The following CTTNBP2 variants were observed in gnomAD, a reference collection of about 807,000 sequenced individuals.
CTTNBP2 encodes the protein cortactin-binding protein 2.
In CTTNBP2, 108 loss-of-function variants were observed where a neutral mutation model predicts 156.9. That is an observed-to-expected ratio of 0.69 (90% CI 0.59 to 0.81). The LOEUF (loss-of-function observed/expected upper bound fraction) is 0.81. Ranked by LOEUF, CTTNBP2 falls within the 30% of genes least tolerant of loss-of-function variation. CTTNBP2 has a pLI of 0.00. For synonymous variants in CTTNBP2, 767 were observed against 751.8 expected (o/e 1.02, Z -0.33); for missense variants, 1,924 against 2,035.4 (o/e 0.95, Z 1.05).
intron 20 of CTTNBP2, among the ~76,000 whole-genome samples, chr7:117,720,657 C>T (rs1794735606): frequency 6.6e-6 from 1 of 152,094 alleles, no homozygotes; most frequent in Non-Finnish European, 1.5e-5. Flanking sequence ...CATGCCACTG[C>T]ACTCCAGCCT....
chr7:117,868,806 A>T (rs1336551437), intron 1 of CTTNBP2, among the ~76,000 whole-genome samples: 2 of 152,218 alleles, frequency 1.3e-5, no homozygotes, highest in African/African-American at 4.8e-5. Flanking sequence ...TAGCAAAGTA[A>T]ATGAAGTTGG....
chr7:117,744,728 T>TAC (rs34300258), intron 14 of CTTNBP2, among the ~76,000 whole-genome samples: 2,918 of 151,272 alleles, frequency 0.019, 50 homozygotes, highest in Non-Finnish European at 0.029. Flanking sequence ...CTACAAAAAA[T>TAC]ACACACACAC....
At chr7:117,805,274 A>T (rs1254493147) in intron 3 of CTTNBP2, among the ~76,000 whole-genome samples, 1 of 152,208 alleles carries the variant, frequency 6.6e-6, no homozygotes, top group Non-Finnish European at 1.5e-5. Flanking sequence ...ATCACAAAGA[A>T]TCCAAAGTAT....
chr7:117,865,542 G>A (rs1804118474), intron 1 of CTTNBP2, among the ~76,000 whole-genome samples: 1 of 150,922 alleles, frequency 6.6e-6, no homozygotes, highest in South Asian at 2.1e-4. Flanking sequence ...CAGGCATGGT[G>A]GCATGCACCT....
chr7:117,791,616 G>C lies in CTTNBP2; in HGVS notation c.1580C>G (p.Thr527Ser). The stretch of plus-strand genomic sequence containing the variant: ...TGCTACACCATGAGTCTTTAAACTG[G>C]TCCGACCAACTGGAGGGTGGGTGCC... ...DVGTHPPVGR[T>S]SLKTHGVARV... The change falls in exon 4 of 23, where the codon ACC becomes AGC. Residue 527 changes from threonine (T) to serine (S), a missense_variant. By Grantham distance (58) the Thr-to-Ser change is moderately conservative. Transcript: ENST00000160373. 5 of 1,614,112 alleles carry C rather than the reference G, an allele frequency of 3.1e-6. No homozygotes were observed. Among genetic ancestry groups the C allele is most frequent in the Non-Finnish European group, 4.2e-6 (5 of 1,180,032 alleles).
At chr7:117,802,273 A>G (rs1799663634) in intron 3 of CTTNBP2, among the ~76,000 whole-genome samples, 2 of 151,924 alleles carry the variant, frequency 1.3e-5, no homozygotes, top group Non-Finnish European at 2.9e-5. Flanking sequence ...GATTTCTTTT[A>G]AAAGCTTCAA....
At chr7:117,790,385 G>A (rs1798923605) in intron 4 of CTTNBP2, among the ~76,000 whole-genome samples, 1 of 152,124 alleles carries the variant, frequency 6.6e-6, no homozygotes, top group South Asian at 2.1e-4. Context: ...TAACAAAAGG[G>A]AAAAATCCAC....
intron 22 of CTTNBP2, among the ~76,000 whole-genome samples, chr7:117,713,017 A>T (rs1352033618): frequency 6.6e-6 from 1 of 152,188 alleles, no homozygotes; most frequent in African/African-American, 2.4e-5. Context: ...CTCCTGTCAG[A>T]TCAGCAGCAT....
intron 22 of CTTNBP2, among the ~76,000 whole-genome samples, chr7:117,717,114 G>A (rs966647541): frequency 6.6e-6 from 1 of 152,154 alleles, no homozygotes; most frequent in African/African-American, 2.4e-5. Context: ...CATTGTTTCT[G>A]CTCACCCAGG....
chr7:117,792,381 C>G lies in CTTNBP2; in HGVS notation c.815G>C (p.Gly272Ala). The G allele has an allele frequency of 6.2e-7, 1 of 1,614,166 alleles. No individual in the cohort carries two copies. The highest frequency in any genetic ancestry group is 8.5e-7 in the Non-Finnish European group (1 of 1,180,034). Residue 272 changes from glycine to alanine, a missense_variant, in exon 4 of 23, where the codon GGA becomes GCA. Transcript: ENST00000160373. This position sits in a 1 kb window ranked among gnomAD's most constrained non-coding sequence, Gnocchi z 4.2. ...MRKMIEQLKR[G>A]SDSKPSLSLP... ...AGAGAGGCTTGGTTTGCTGTCACTTCCCCTTTTCAGTTGCTCAATCATTTT... is the reference window on the plus strand; with the variant it reads ...AGAGAGGCTTGGTTTGCTGTCACTTGCCCTTTTCAGTTGCTCAATCATTTT...
At chr7:117,756,013 A>T (rs1424000761) in intron 12 of CTTNBP2, among the ~76,000 whole-genome samples, 1 of 152,202 alleles carries the variant, frequency 6.6e-6, no homozygotes, top group Non-Finnish European at 1.5e-5. Context: ...GCAGGGAGAA[A>T]GGGTGCTGAG....
chr7:117,817,359 AAAAT>A (rs1312105267), intron 2 of CTTNBP2, among the ~76,000 whole-genome samples: 2 of 34,190 alleles, frequency 5.8e-5, no homozygotes, highest in African/African-American at 2.1e-4. Context: ...AAAAAAAAAA[AAAAT>A]ATATATATAT....
intron 14 of CTTNBP2, among the ~76,000 whole-genome samples, chr7:117,744,325 C>T (rs1796195609): frequency 1.3e-5 from 2 of 152,282 alleles, no homozygotes; most frequent in South Asian, 4.1e-4. Context: ...TACTCCCCAA[C>T]ACCCAACACT....
intron 16 of CTTNBP2, among the ~76,000 whole-genome samples, chr7:117,731,069 T>A (rs947780455): frequency 2.0e-5 from 3 of 152,192 alleles, no homozygotes; most frequent in African/African-American, 7.2e-5. Context: ...ACAAGGCTAT[T>A]AAGAGATCAT....
At chr7:117,777,909 T>G in intron 7 of CTTNBP2, 144 bp from the exon 8 acceptor site, 1 of 740,576 alleles carries the variant, frequency 1.4e-6, no homozygotes, top group South Asian at 1.8e-5. Context: ...ACATTATCAC[T>G]GATGAGCTGG....
chr7:117,799,621 A>G (rs1353889703), intron 3 of CTTNBP2, among the ~76,000 whole-genome samples: 3 of 152,110 alleles, frequency 2.0e-5, no homozygotes, highest in African/African-American at 4.8e-5. Flanking sequence ...CTTCTGTTCA[A>G]CATTGCACTG....
At chr7:117,850,452 G>T (rs1337434254) in intron 2 of CTTNBP2, among the ~76,000 whole-genome samples, 1 of 152,060 alleles carries the variant, frequency 6.6e-6, no homozygotes, top group Non-Finnish European at 1.5e-5. Flanking sequence ...CAGATAAATA[G>T]GAGAGACTAA....
chr7:117,763,732 G>A (rs909821656), intron 9 of CTTNBP2, among the ~76,000 whole-genome samples: 9 of 151,242 alleles, frequency 6.0e-5, no homozygotes, highest in African/African-American at 2.2e-4. Flanking sequence ...ACCATGCCTG[G>A]CAATTTATTT....
chr7:117,781,805 G>GCTTCC (rs1466847361), intron 6 of CTTNBP2, among the ~76,000 whole-genome samples: 1 of 152,182 alleles, frequency 6.6e-6, no homozygotes, highest in Non-Finnish European at 1.5e-5. Flanking sequence ...AGTTATCCAT[G>GCTTCC]CTTCCATTCC....
Sources: allele counts gnomAD v4.1 joint callset (sites outside exome capture counted in the v4.1 genomes callset), GRCh38; gene constraint gnomAD v4.1.1; non-coding constraint Gnocchi (gnomAD v3.1); transcripts MANE v1.5; gene names NCBI Gene and HGNC (gene_info 2026-07-23, HGNC 2026-07-21).